The following SRBD1 variants were observed in gnomAD, a reference collection of about 807,000 sequenced individuals.
SRBD1 encodes the protein S1 RNA-binding domain-containing protein 1.
In SRBD1, 88 loss-of-function variants were observed where a neutral mutation model predicts 115.3. The observed-to-expected ratio is 0.76, with a 90% CI of 0.64 to 0.91. The LOEUF is 0.91. Among genes scored for constraint, SRBD1 ranks in the 40% least tolerant of loss-of-function variants. The probability of loss-of-function intolerance (pLI) is 0.00; values close to 1 mark genes in which losing one functional copy is unlikely to be tolerated. For synonymous variants in SRBD1, 509 were observed against 407.7 expected, an observed-to-expected ratio of 1.25 and a Z score of -2.99; for missense variants, 1,385 against 1,177.4, an observed-to-expected ratio of 1.18 and a Z score of -2.58.
intron 16 of SRBD1, among the ~76,000 whole-genome samples, chr2:45,453,945 T>C (rs2103751311): frequency 6.6e-6 from 1 of 152,122 alleles, no homozygotes; most frequent in East Asian, 1.9e-4. Context: ...AAATCTCCAG[T>C]TCATTTTAAA....
intron 16 of SRBD1, among the ~76,000 whole-genome samples, chr2:45,432,481 G>C (rs538390329): frequency 2.6e-5 from 4 of 152,286 alleles, no homozygotes; most frequent in African/African-American, 9.6e-5. Flanking sequence ...TTTTGTACCA[G>C]ACACTGTGCA....
chr2:45,551,340 A>T (rs1684990057), intron 11 of SRBD1, 58 bp from the exon 12 acceptor site: 19 of 1,493,020 alleles, frequency 1.3e-5, no homozygotes, highest in Non-Finnish European at 1.7e-5. Context: ...CTTTCCAGAA[A>T]AGGAGCAGAA....
chr2:45,397,362 CT>C (rs1667175874), intron 19 of SRBD1, among the ~76,000 whole-genome samples: 1 of 152,054 alleles, frequency 6.6e-6, no homozygotes, highest in South Asian at 2.1e-4. Flanking sequence ...AAATTTATTA[CT>C]ATTTTCAAAT....
intron 14 of SRBD1, among the ~76,000 whole-genome samples, chr2:45,504,336 C>CA (rs1170044908): frequency 2.0e-5 from 3 of 151,884 alleles, no homozygotes; most frequent in Non-Finnish European, 4.4e-5. Context: ...GTCTGGTTCC[C>CA]AAAAAAATGA....
intron 16 of SRBD1, among the ~76,000 whole-genome samples, chr2:45,443,987 G>A (rs764379715): frequency 2.6e-5 from 4 of 152,038 alleles, no homozygotes; most frequent in Non-Finnish European, 5.9e-5. Flanking sequence ...ATAATCTGGT[G>A]CAGCTGTTTT....
At chr2:45,453,956 C>G (rs1669075137) in intron 16 of SRBD1, among the ~76,000 whole-genome samples, 1 of 151,900 alleles carries the variant, frequency 6.6e-6, no homozygotes, top group Non-Finnish European at 1.5e-5. Flanking sequence ...TCATTTTAAA[C>G]CTATCAAAAT....
chr2:45,526,653 G>C lies in SRBD1; in HGVS notation c.1874+20079C>G, dbSNP rs546209607. 5.7e-4 allele frequency among the ~76,000 whole-genome samples: 86 copies of C among 151,766 alleles called. No homozygotes were observed. In the South Asian group the frequency reaches 7.3e-3, roughly 13 times the overall value. ...CTGTTAAACAAAATAAATGAATAAAGACTTCCAAAAACAATAAAAAAAATC... is the reference window on the plus strand; with the variant it reads ...CTGTTAAACAAAATAAATGAATAAACACTTCCAAAAACAATAAAAAAAATC... On this transcript the variant is annotated intron_variant, in intron 14 of 20. Coordinates refer to ENST00000263736, the MANE Select transcript of SRBD1 (RefSeq NM_018079.5).
chr2:45,421,315 G>A (rs567486970), intron 16 of SRBD1, among the ~76,000 whole-genome samples: 1 of 151,906 alleles, frequency 6.6e-6, no homozygotes, highest in African/African-American at 2.4e-5. Context: ...ACACCATTCT[G>A]GCTAACACGG....
chr2:45,565,485 T>A (rs986640606), intron 9 of SRBD1, among the ~76,000 whole-genome samples: 3 of 152,112 alleles, frequency 2.0e-5, no homozygotes, highest in Non-Finnish European at 4.4e-5. Flanking sequence ...TAACTCAAAA[T>A]TGATCTTAGA....
At chr2:45,576,665 G>C (rs1461745705) in intron 7 of SRBD1, among the ~76,000 whole-genome samples, 1 of 152,166 alleles carries the variant, frequency 6.6e-6, no homozygotes, top group African/African-American at 2.4e-5. Context: ...ATAAACATTT[G>C]CTCTTCTGTT....
chr2:45,408,738 C>T (rs1037776864), intron 19 of SRBD1, among the ~76,000 whole-genome samples: 24 of 152,232 alleles, frequency 1.6e-4, no homozygotes, highest in African/African-American at 5.1e-4. Flanking sequence ...TCATAACGAA[C>T]CACTATTAGC....
intron 10 of SRBD1, among the ~76,000 whole-genome samples, chr2:45,556,848 T>C (rs1031137825): frequency 2.6e-5 from 4 of 152,140 alleles, no homozygotes; most frequent in Admixed American, 1.3e-4. Context: ...ATAGTCTACT[T>C]CATTGAATTG....
chr2:45,502,993 T>G (rs935934065), intron 14 of SRBD1, among the ~76,000 whole-genome samples: 1 of 152,142 alleles, frequency 6.6e-6, no homozygotes, highest in African/African-American at 2.4e-5. Context: ...CAAAAGTTTT[T>G]AATTTTGATG....
intron 14 of SRBD1, among the ~76,000 whole-genome samples, chr2:45,496,108 A>C (rs539978109): frequency 6.6e-6 from 1 of 152,324 alleles, no homozygotes; most frequent in Non-Finnish European, 1.5e-5. Flanking sequence ...AGAATTGTGA[A>C]GTTTGCTTAA....
intron 16 of SRBD1, among the ~76,000 whole-genome samples, chr2:45,463,290 G>T (rs1398738233): frequency 6.6e-6 from 1 of 152,090 alleles, no homozygotes; most frequent in East Asian, 1.9e-4. Context: ...CCTTCCTGCA[G>T]GATTATGCAT....
Position 45,601,972 on chromosome 2 carries a change from C to T in SRBD1, c.192G>A (p.Met64Ile). ...GTGGGGCATTCTTCTTCACCCGAGG[C>T]ATCCTCTTTGGTTTGGATTCCTTGG... is the stretch of plus-strand genomic sequence containing the variant. ...PPPKESKPKRMPRVKKNAPQI... is the reference protein window; with the variant it reads ...PPPKESKPKRIPRVKKNAPQI... Residue 64 changes from methionine (M) to isoleucine (I), a missense_variant, in exon 3 of 21, where the codon ATG becomes ATA. Met to Ile is a conservative substitution (Grantham distance 10). Transcript: ENST00000263736. The T allele has an allele frequency of 3.1e-6, 5 of 1,614,230 alleles. No homozygotes were observed. The highest frequency in any genetic ancestry group is 3.4e-6 in the Non-Finnish European group (4 of 1,180,028).
chr2:45,536,294 T>C (rs559309390), intron 14 of SRBD1, among the ~76,000 whole-genome samples: 1 of 152,000 alleles, frequency 6.6e-6, no homozygotes, highest in African/African-American at 2.4e-5. Flanking sequence ...AATGACATAA[T>C]TCATACAAGA....
intron 15 of SRBD1, among the ~76,000 whole-genome samples, chr2:45,482,647 A>C (rs1349739549): frequency 7.2e-6 from 1 of 139,412 alleles, no homozygotes. Flanking sequence ...CACACACACA[A>C]ACCCATGAAT....
chr2:45,594,366 C>T (rs1326079270), intron 4 of SRBD1, among the ~76,000 whole-genome samples: 1 of 152,200 alleles, frequency 6.6e-6, no homozygotes, highest in East Asian at 1.9e-4. Context: ...CATGGCTGCT[C>T]AACTCCCCTA....
Sources: gnomAD v4.1 joint callset for allele counts (sites outside exome capture counted in the v4.1 genomes callset) on GRCh38, gnomAD v4.1.1 for gene constraint, MANE v1.5 for transcripts, NCBI Gene and HGNC (gene_info 2026-07-23, HGNC 2026-07-21) for gene names.